Variants in WDTC1 observed in about 807,000 individuals in gnomAD.
WDTC1 encodes the protein WD and tetratricopeptide repeats 1.
In WDTC1, 12 loss-of-function variants were observed where a neutral mutation model predicts 76.0. The observed-to-expected ratio is 0.16, with a 90% CI of 0.10 to 0.26. The LOEUF is 0.26. Among genes scored for constraint, WDTC1 ranks in the 10% least tolerant of loss-of-function variants. The pLI is 1.00. For missense variants in WDTC1, 511 were observed against 908.8 expected (o/e 0.56, Z 5.63); for synonymous variants, 326 against 350.8 (o/e 0.93, Z 0.79).
Position 27,306,646 on chromosome 1 carries a change from T to C in WDTC1, c.*263T>C, listed in dbSNP as rs1409497667. Reference sequence around the variant, plus strand: ...CCTCCATATGCCCCCCCCCATCTCCTGCTTTCATGTCCCTGGAGGGCTCTG... The same window carrying C: ...CCTCCATATGCCCCCCCCCATCTCCCGCTTTCATGTCCCTGGAGGGCTCTG... On this transcript the variant is annotated 3_prime_UTR_variant, in exon 16 of 16. Coordinates refer to ENST00000319394, the MANE Select transcript of WDTC1 (RefSeq NM_001276252.2). This position sits in a 1 kb window ranked among gnomAD's most constrained non-coding sequence, Gnocchi z 5.0. 1.9e-6 allele frequency: 1 copy of C among 528,268 alleles called. No homozygotes were observed. Among genetic ancestry groups the C allele is most frequent in the Non-Finnish European group, 3.4e-6 (1 of 293,612 alleles). The allele number at this position is 528,268 out of a possible 1,614,324, so 32.7% of individuals were successfully genotyped here.
chr1:27,308,220 T>C lies in WDTC1; in HGVS notation c.*1837T>C, dbSNP rs1489421932. ...TCCCAGGAGAGTGAGGGTGACGCAA[T>C]TGATTAAAACCATTTTGTTCTAGGT... On this transcript the variant is annotated 3_prime_UTR_variant, in exon 16 of 16. Coordinates refer to ENST00000319394, the MANE Select transcript of WDTC1 (RefSeq NM_001276252.2). 2 of 152,324 alleles carry C rather than the reference T, an allele frequency of 1.3e-5. No individual in the cohort carries two copies. The highest frequency in any genetic ancestry group is 2.9e-5 in the Non-Finnish European group (2 of 68,100). 9.4% of individuals were successfully genotyped at this position (152,324 alleles called of 1,614,324 possible).
At chr1:27,282,357 C>T in intron 4 of WDTC1, 72 bp downstream of exon 4, 1 of 1,462,976 alleles carries the variant, frequency 6.8e-7, no homozygotes, top group South Asian at 1.2e-5. Context: ...AAGGCTCCTC[C>T]TGAGAGGATC....
intron 1 of WDTC1, among the ~76,000 whole-genome samples, chr1:27,240,831 C>T (rs1315272024): frequency 2.0e-5 from 3 of 151,942 alleles, no homozygotes; most frequent in African/African-American, 7.3e-5. Flanking sequence ...AAAAATTAGC[C>T]TGGCGTGGTG....
chr1:27,303,722 T>G lies in WDTC1; in HGVS notation c.1570T>G (p.Tyr524Asp). ...EDEMVLRERS[Y>D]DYQFRYCGHC... ...TGAAATGGTGCTGCGGGAGCGAAGC[T>G]ACGACTATCAGTTCCGCTACTGCGG... Residue 524 changes from tyrosine (Y) to aspartate (D), a missense_variant, in exon 14 of 16, where the codon TAC becomes GAC. Physicochemically the swap from Tyr to Asp is radical, Grantham distance 160. Coordinates refer to ENST00000319394, the MANE Select transcript of WDTC1 (RefSeq NM_001276252.2). The surrounding 1 kb of genome is among the most constrained non-coding windows in gnomAD (Gnocchi z 4.8). 1 of 1,614,160 alleles carries G rather than the reference T, an allele frequency of 6.2e-7. No individual in the cohort carries two copies. The highest frequency in any genetic ancestry group is 8.5e-7 in the Non-Finnish European group (1 of 1,179,990).
At chr1:27,238,066 G>A (rs1270305206) in intron 1 of WDTC1, among the ~76,000 whole-genome samples, 2 of 152,128 alleles carry the variant, frequency 1.3e-5, no homozygotes, top group Non-Finnish European at 2.9e-5. Context: ...CCTGTGAGGT[G>A]AGAATCATTT....
At chr1:27,246,898 A>C (rs1235430893) in intron 1 of WDTC1, among the ~76,000 whole-genome samples, 2 of 115,268 alleles carry the variant, frequency 1.7e-5, no homozygotes, top group African/African-American at 7.0e-5. Flanking sequence ...ACAGGGTCTC[A>C]CTCTGTCACC....
chr1:27,280,242 G>C (rs774177452), intron 3 of WDTC1, among the ~76,000 whole-genome samples: 2 of 152,102 alleles, frequency 1.3e-5, no homozygotes, highest in Non-Finnish European at 2.9e-5. Context: ...TAATTCTTAG[G>C]CACACTAAAA....
intron 7 of WDTC1, among the ~76,000 whole-genome samples, chr1:27,293,587 T>G (rs1382821976): frequency 6.6e-6 from 1 of 152,146 alleles, no homozygotes; most frequent in African/African-American, 2.4e-5. Flanking sequence ...TTCCTGCTAG[T>G]TCTTATAACA....
At position 27,278,345 on chromosome 1, in the gene WDTC1, T is replaced by C. The variant is rs533733983; in HGVS notation, c.133-3894T>C. ...CTTTACAGAAAAGATTGCTGACCTCTGCTTTAGATGATGGAGTAAACTCAT... is the reference window on the plus strand; with the variant it reads ...CTTTACAGAAAAGATTGCTGACCTCCGCTTTAGATGATGGAGTAAACTCAT... On this transcript the variant is annotated intron_variant, in intron 3 of 15. Coordinates refer to ENST00000319394, the MANE Select transcript of WDTC1 (RefSeq NM_001276252.2). Among the ~76,000 whole-genome samples the C allele has an allele frequency of 2.6e-5, 4 of 152,334 alleles. No homozygotes were observed. The East Asian group carries it at 5.8e-4, about 22-fold the overall frequency.
Position 27,274,337 on chromosome 1 carries a change from A to G in WDTC1, c.133-7902A>G, listed in dbSNP as rs909959819. Among the ~76,000 whole-genome samples, 1 of 151,804 alleles carries G rather than the reference A, an allele frequency of 6.6e-6. No homozygotes were observed. The highest frequency in any genetic ancestry group is 1.5e-5 in the Non-Finnish European group (1 of 67,986). ...GGAAAGAAAAAAGAAAAGAAAATAC[A>G]GAGAACTGGCTGGGGCACAGTGGCT... On this transcript the variant is annotated intron_variant, in intron 3 of 15. Transcript: ENST00000319394. This position sits in a 1 kb window ranked among gnomAD's most constrained non-coding sequence, Gnocchi z 4.2.
intron 5 of WDTC1, among the ~76,000 whole-genome samples, chr1:27,286,304 GT>G (rs201774292): frequency 6.8e-6 from 1 of 146,896 alleles, no homozygotes; most frequent in Non-Finnish European, 1.5e-5. Context: ...CACCTGGCCG[GT>G]TTTTTTTGTT....
intron 1 of WDTC1, among the ~76,000 whole-genome samples, chr1:27,244,152 A>C (rs2011728915): frequency 1.3e-5 from 2 of 151,980 alleles, no homozygotes; most frequent in African/African-American, 4.8e-5. Context: ...TCTCAAAACA[A>C]ATAAAAATTT....
intron 1 of WDTC1, among the ~76,000 whole-genome samples, chr1:27,245,630 C>T (rs955436961): frequency 2.7e-5 from 4 of 150,310 alleles, no homozygotes; most frequent in Admixed American, 2.0e-4. Context: ...AGTGCAATGG[C>T]GCAATCTCGG....
At position 27,293,325 on chromosome 1, in the gene WDTC1, G is replaced by A. The variant is rs572309822; in HGVS notation, c.663-697G>A. 1.6e-4 allele frequency among the ~76,000 whole-genome samples: 24 copies of A among 151,084 alleles called. No homozygotes were observed. In the South Asian group the frequency reaches 2.1e-3, roughly 13 times the overall value. On this transcript the variant is annotated intron_variant, in intron 7 of 15. Transcript: ENST00000319394. ...CGGGTGCCTGTAGTCCCAGCTACTGGGGAGGCTGAGGCAGGAGAATGGCGT... is the reference window on the plus strand; with the variant it reads ...CGGGTGCCTGTAGTCCCAGCTACTGAGGAGGCTGAGGCAGGAGAATGGCGT...
intron 1 of WDTC1, among the ~76,000 whole-genome samples, chr1:27,257,271 G>A (rs1352024278): frequency 1.3e-5 from 2 of 151,806 alleles, no homozygotes; most frequent in Admixed American, 1.3e-4. Flanking sequence ...AAGGGTATTG[G>A]GGGTAAGGAA....
intron 1 of WDTC1, among the ~76,000 whole-genome samples, chr1:27,257,224 T>C (rs914981164): frequency 6.6e-5 from 10 of 152,146 alleles, no homozygotes; most frequent in African/African-American, 1.9e-4. Context: ...TTGACTTACA[T>C]TGTTTCATTT....
intron 3 of WDTC1, among the ~76,000 whole-genome samples, chr1:27,264,855 T>C (rs2012610194): frequency 6.6e-6 from 1 of 152,124 alleles, no homozygotes. Context: ...CAGGCTGGAA[T>C]GCAGTGGTGC....
At chr1:27,235,181 C>CG (rs1570928918) in intron 1 of WDTC1, among the ~76,000 whole-genome samples, 5 of 149,718 alleles carry the variant, frequency 3.3e-5, no homozygotes, top group Admixed American at 2.0e-4. Context: ...GGTCGGGACG[C>CG]GGGGGGAGGC....
At chr1:27,268,045 T>C (rs2012728771) in intron 3 of WDTC1, among the ~76,000 whole-genome samples, 3 of 152,252 alleles carry the variant, frequency 2.0e-5, no homozygotes, top group Non-Finnish European at 2.9e-5. Flanking sequence ...TCCATGGTGT[T>C]TGTACCAACT....
Sources: allele counts gnomAD v4.1 joint callset (sites outside exome capture counted in the v4.1 genomes callset), GRCh38; gene constraint gnomAD v4.1.1; non-coding constraint Gnocchi (gnomAD v3.1); transcripts MANE v1.5; gene names NCBI Gene and HGNC (gene_info 2026-07-23, HGNC 2026-07-21).